The following EXOC2 variants were observed in gnomAD, a reference collection of about 807,000 sequenced individuals.
The protein encoded by EXOC2 is SEC5-like 1.
A neutral mutation model predicts 131.8 loss-of-function variants in EXOC2; 70 were observed. That is an observed-to-expected ratio of 0.53 (90% confidence interval 0.44 to 0.65). The LOEUF (loss-of-function observed/expected upper bound fraction) is 0.65, where lower values mean the gene tolerates loss of function less well. Among genes scored for constraint, EXOC2 ranks in the 30% least tolerant of loss-of-function variants. The pLI, the probability that EXOC2 is intolerant of heterozygous loss-of-function variation, is 0.00. For synonymous variants in EXOC2, 411 were observed against 398.4 expected (o/e 1.03, Z -0.38); for missense variants, 923 against 1,108.6 (o/e 0.83, Z 2.38).
intron 13 of EXOC2, among the ~76,000 whole-genome samples, chr6:565,744 A>C (rs1757933197): frequency 6.6e-6 from 1 of 152,258 alleles, no homozygotes; most frequent in Admixed American, 6.5e-5. Context: ...TGACAAGTCA[A>C]GAGACCTTTC....
At chr6:617,015 A>G (rs775163584) in intron 6 of EXOC2, among the ~76,000 whole-genome samples, 2 of 152,210 alleles carry the variant, frequency 1.3e-5, no homozygotes, top group Non-Finnish European at 2.9e-5. Flanking sequence ...CCTGAATTGA[A>G]GAAGATGTGG....
chr6:566,269 T>C (rs1757959136), intron 13 of EXOC2, among the ~76,000 whole-genome samples: 1 of 152,122 alleles, frequency 6.6e-6, no homozygotes, highest in Non-Finnish European at 1.5e-5. Flanking sequence ...GGAACTGAAG[T>C]GTTTTAAGCA....
chr6:549,363 A>G (rs1284726102), intron 21 of EXOC2, 72 bp from the exon 22 acceptor site: 1 of 1,125,246 alleles, frequency 8.9e-7, no homozygotes, highest in African/African-American at 1.5e-5. Context: ...ACACTTGTCA[A>G]GTTTAATTAT....
chr6:529,116 A>C (rs370222520), intron 23 of EXOC2, among the ~76,000 whole-genome samples: 25 of 134,574 alleles, frequency 1.9e-4, no homozygotes, highest in South Asian at 8.8e-4. Context: ...CCTGCCTTTT[A>C]CCCCCCCCCG....
chr6:593,057 TA>T (rs1450777217), intron 10 of EXOC2, among the ~76,000 whole-genome samples: 3 of 151,852 alleles, frequency 2.0e-5, no homozygotes, highest in Non-Finnish European at 4.4e-5. Flanking sequence ...AAACAAAAAA[TA>T]AAAAAATAAA....
chr6:640,912 C>G (rs917692166), intron 1 of EXOC2, among the ~76,000 whole-genome samples: 47 of 151,782 alleles, frequency 3.1e-4, no homozygotes, highest in African/African-American at 1.1e-3. Context: ...CGAAATCATT[C>G]TAAAGTTTGA....
At position 615,802 on chromosome 6, in the gene EXOC2, G is replaced by T. The variant is rs573085170; in HGVS notation, c.661+1909C>A. Among the ~76,000 whole-genome samples, 3 of 151,972 alleles carry T rather than the reference G, an allele frequency of 2.0e-5. No homozygotes were observed. The East Asian group carries it at 5.8e-4, about 29-fold the overall frequency. ...GTTTTAGTTTAAAAGAGGCTTAAGA[G>T]ATTTAAAAATTAAGTGAAATGCCTG... On this transcript the variant is annotated intron_variant, in intron 6 of 27. Transcript: ENST00000230449.
intron 23 of EXOC2, among the ~76,000 whole-genome samples, chr6:515,063 C>T (rs1253797942): frequency 6.6e-6 from 1 of 152,224 alleles, no homozygotes; most frequent in Non-Finnish European, 1.5e-5. Flanking sequence ...TTTGATGAAA[C>T]TATAAAGATA....
intron 22 of EXOC2, among the ~76,000 whole-genome samples, chr6:543,635 A>G (rs1181142789): frequency 2.0e-5 from 3 of 152,232 alleles, no homozygotes; most frequent in African/African-American, 7.2e-5. Context: ...TCTATAATGT[A>G]TGCTTAGGTT....
intron 22 of EXOC2, among the ~76,000 whole-genome samples, chr6:545,683 C>T (rs1756811526): frequency 6.6e-6 from 1 of 152,144 alleles, no homozygotes; most frequent in Admixed American, 6.5e-5. Context: ...AGCTATCTGG[C>T]AATATTTACC....
intron 1 of EXOC2, among the ~76,000 whole-genome samples, chr6:682,133 A>C (rs1351250447): frequency 6.6e-6 from 1 of 152,114 alleles, no homozygotes; most frequent in Non-Finnish European, 1.5e-5. Flanking sequence ...CCAGTCACAC[A>C]TAGGGCACTT....
intron 12 of EXOC2, among the ~76,000 whole-genome samples, chr6:575,592 A>C (rs2873358): frequency 0.49 from 73,991 of 151,488 alleles, 19,325 homozygotes; most frequent in Admixed American, 0.63. Flanking sequence ...AAGCTTCCTG[A>C]GGCCTCCCAG....
chr6:602,682 C>T (rs941618587), intron 7 of EXOC2, among the ~76,000 whole-genome samples: 19 of 152,200 alleles, frequency 1.2e-4, no homozygotes, highest in African/African-American at 4.3e-4. Flanking sequence ...GTCCTTTCTC[C>T]TCACCCAAAG....
chr6:631,367 A>G (rs775435737), intron 3 of EXOC2, among the ~76,000 whole-genome samples: 6 of 152,018 alleles, frequency 3.9e-5, no homozygotes, highest in Non-Finnish European at 4.4e-5. Context: ...GTGAAACCCC[A>G]TCTCTACTAA....
rs114574800 is a variant in EXOC2, at chr6:521,242, C to T, written c.2380+11227G>A. On this transcript the variant is annotated intron_variant, in intron 23 of 27. Transcript: ENST00000230449. ...AACCACCACCCACTGAGCACCGACACGCACCGTCCACACTCGGAGACGAAA... is the reference window on the plus strand; with the variant it reads ...AACCACCACCCACTGAGCACCGACATGCACCGTCCACACTCGGAGACGAAA... Among the ~76,000 whole-genome samples, 1,149 of 150,628 alleles carry T rather than the reference C, an allele frequency of 7.6e-3. 22 individuals carry two copies. The highest frequency in any genetic ancestry group is 0.025 in the African/African-American group (1,019 of 40,836).
intron 23 of EXOC2, among the ~76,000 whole-genome samples, chr6:508,736 T>C (rs151034464): frequency 7.2e-5 from 11 of 152,360 alleles, no homozygotes; most frequent in Admixed American, 1.3e-4. Flanking sequence ...GCTACAAGCA[T>C]TGGTGTGCAG....
At chr6:491,947 A>T (rs547148280) in intron 25 of EXOC2, among the ~76,000 whole-genome samples, 19 of 152,336 alleles carry the variant, frequency 1.2e-4, no homozygotes, top group African/African-American at 4.1e-4. Context: ...TGCTAGGGCA[A>T]CTGGATATCC....
intron 13 of EXOC2, among the ~76,000 whole-genome samples, chr6:568,077 A>C (rs1401379164): frequency 6.6e-6 from 1 of 152,222 alleles, no homozygotes; most frequent in Non-Finnish European, 1.5e-5. Context: ...CAGGAGCTAA[A>C]TCTTTGTTAA....
intron 17 of EXOC2, among the ~76,000 whole-genome samples, chr6:557,748 G>A (rs548464980): frequency 3.3e-5 from 5 of 152,192 alleles, no homozygotes; most frequent in Non-Finnish European, 5.9e-5. Flanking sequence ...GGAAGGGGAA[G>A]AGGGACCAGC....
Sources: allele counts gnomAD v4.1 joint callset (sites outside exome capture counted in the v4.1 genomes callset), GRCh38; gene constraint gnomAD v4.1.1; transcripts MANE v1.5; gene names NCBI Gene and HGNC (gene_info 2026-07-23, HGNC 2026-07-21).